DOCK4: variants seen among roughly 807,000 people sequenced by gnomAD.
DOCK4 encodes dedicator of cytokinesis protein 4.
DOCK4 carries 97 observed loss-of-function variants against 268.1 expected under a neutral mutation model. The observed-to-expected ratio is 0.36, with a 90% CI of 0.31 to 0.43. The LOEUF is 0.43. DOCK4 is among the 20% of genes least tolerant of loss of function. The probability of loss-of-function intolerance (pLI) is 1.00; values close to 1 mark genes in which losing one functional copy is unlikely to be tolerated. For synonymous variants in DOCK4, 954 were observed against 887.2 expected (o/e 1.08, Z -1.34); for missense variants, 2,145 against 2,455.7 (o/e 0.87, Z 2.67).
chr7:112,098,710 A>G (rs186846125), intron 1 of DOCK4, among the ~76,000 whole-genome samples: 23 of 150,086 alleles, frequency 1.5e-4, no homozygotes, highest in African/African-American at 4.1e-4. Context: ...GTAATTTTAC[A>G]TAATTATATA....
At chr7:111,957,908 A>G (rs548274631) in intron 8 of DOCK4, among the ~76,000 whole-genome samples, 1 of 152,300 alleles carries the variant, frequency 6.6e-6, no homozygotes, top group Admixed American at 6.5e-5. Flanking sequence ...GATGCTACAC[A>G]TTTATCTGAC....
At position 111,739,461 on chromosome 7, in the gene DOCK4, G is replaced by A; in HGVS notation, c.5057C>T (p.Ser1686Leu). The change falls in exon 48 of 53, where the codon TCA becomes TTA. Residue 1686 changes from serine (S) to leucine (L), a missense_variant. Ser to Leu is a moderately radical substitution (Grantham distance 145). Transcript: ENST00000428084. Reference sequence around the variant, plus strand: ...AGCCGAGTGAGTAGAACTCAAGCTTGAGGTAGATGGACTTGGCTGGAAACA... The same window carrying A: ...AGCCGAGTGAGTAGAACTCAAGCTTAAGGTAGATGGACTTGGCTGGAAACA... ...VFNMQPSPST[S>L]SLSSTHSASP... is the part of the protein sequence containing the mutation. 1 of 1,568,524 alleles carries A rather than the reference G, an allele frequency of 6.4e-7. No individual in the cohort carries two copies. The highest frequency in any genetic ancestry group is 8.6e-7 in the Non-Finnish European group (1 of 1,156,746).
chr7:111,844,263 G>A (rs150606757), intron 25 of DOCK4, among the ~76,000 whole-genome samples: 13 of 152,234 alleles, frequency 8.5e-5, no homozygotes, highest in East Asian at 1.9e-4. Context: ...GAGACAGAGC[G>A]AGACTCCGTC....
intron 30 of DOCK4, among the ~76,000 whole-genome samples, chr7:111,799,021 G>T (rs1037691300): frequency 2.0e-5 from 3 of 152,162 alleles, no homozygotes; most frequent in African/African-American, 7.2e-5. Context: ...AAATAAATTG[G>T]CTAATCAGGC....
chr7:111,992,914 A>C (rs542321223), intron 5 of DOCK4, among the ~76,000 whole-genome samples: 3 of 149,038 alleles, frequency 2.0e-5, no homozygotes, highest in African/African-American at 7.4e-5. Flanking sequence ...CAACATTTAC[A>C]AAAAAAAAAG....
At chr7:112,205,864 C>T (rs1046785516) in intron 1 of DOCK4, among the ~76,000 whole-genome samples, 1 of 152,212 alleles carries the variant, frequency 6.6e-6, no homozygotes, top group African/African-American at 2.4e-5. Flanking sequence ...CGCGCTCCCC[C>T]AAGCTGTCCC....
At chr7:111,746,035 T>A (rs932392460) in intron 44 of DOCK4, among the ~76,000 whole-genome samples, 3 of 152,182 alleles carry the variant, frequency 2.0e-5, no homozygotes, top group Admixed American at 6.5e-5. Context: ...CCCCAAGATA[T>A]CTCTTATGTA....
chr7:111,901,686 T>C lies in DOCK4; in HGVS notation c.1308A>G (p.Gln436=). The C allele has an allele frequency of 6.2e-7, 1 of 1,613,414 alleles. No individual in the cohort carries two copies. Among genetic ancestry groups the C allele is most frequent in the Non-Finnish European group, 8.5e-7 (1 of 1,179,676 alleles). The change falls in exon 14 of 53, where the codon CAA becomes CAG. Residue 436 remains glutamine (Q), a synonymous_variant. Transcript: ENST00000428084. ...VTMFIVDSSG[Q]TLKDFISFGS... ...TCAAGTATTAACATACCTTCAGGGT[T>C]TGGCCACTACTGTCTACAATGAACA...
At chr7:111,779,975 G>A (rs1448544163) in intron 35 of DOCK4, among the ~76,000 whole-genome samples, 1 of 152,226 alleles carries the variant, frequency 6.6e-6, no homozygotes, top group Admixed American at 6.5e-5. Context: ...GGAAGAAGGG[G>A]AAATCGGTGA....
intron 1 of DOCK4, among the ~76,000 whole-genome samples, chr7:112,104,999 T>C (rs1260186833): frequency 6.6e-6 from 1 of 152,166 alleles, no homozygotes; most frequent in Non-Finnish European, 1.5e-5. Flanking sequence ...TTTTAGGTTA[T>C]CCTCTAAAGA....
At chr7:112,198,351 T>A (rs974495681) in intron 1 of DOCK4, among the ~76,000 whole-genome samples, 2 of 152,198 alleles carry the variant, frequency 1.3e-5, no homozygotes, top group African/African-American at 4.8e-5. Context: ...TTGGACTTCC[T>A]AGCCTGCGGA....
At chr7:111,738,031 T>C (rs999084598) in intron 49 of DOCK4, among the ~76,000 whole-genome samples, 4 of 152,226 alleles carry the variant, frequency 2.6e-5, no homozygotes, top group Non-Finnish European at 4.4e-5. Context: ...TACAGACTTC[T>C]GCCAGGATGG....
intron 12 of DOCK4, among the ~76,000 whole-genome samples, chr7:111,919,596 G>C (rs927374266): frequency 6.6e-6 from 1 of 152,194 alleles, no homozygotes; most frequent in Non-Finnish European, 1.5e-5. Flanking sequence ...TATGTCATTT[G>C]ACTAGCCAAG....
intron 1 of DOCK4, among the ~76,000 whole-genome samples, chr7:112,192,147 G>A (rs906805195): frequency 2.6e-5 from 4 of 151,338 alleles, no homozygotes; most frequent in Non-Finnish European, 4.4e-5. Flanking sequence ...TCTCTTGAAG[G>A]AGAAGAATCG....
intron 1 of DOCK4, among the ~76,000 whole-genome samples, chr7:112,023,243 C>T (rs764349335): frequency 7.9e-5 from 12 of 152,148 alleles, no homozygotes; most frequent in South Asian, 2.1e-4. Context: ...GCCTTTTCTA[C>T]GTATCCTTCA....
At chr7:111,785,736 G>C (rs1033671408) in intron 32 of DOCK4, among the ~76,000 whole-genome samples, 2 of 152,178 alleles carry the variant, frequency 1.3e-5, no homozygotes, top group Non-Finnish European at 2.9e-5. Flanking sequence ...CCGGGTGAGA[G>C]TGGGTATTTT....
At chr7:111,932,762 C>G (rs188641498) in intron 12 of DOCK4, among the ~76,000 whole-genome samples, 1 of 152,054 alleles carries the variant, frequency 6.6e-6, no homozygotes, top group Admixed American at 6.5e-5. Context: ...ATGTTCTTTA[C>G]AATTACAGCA....
rs141842803 is a variant in DOCK4, at chr7:112,142,081, T to C, written c.37+64021A>G. ...GCCAGATGGGAGAGGGAGAAACAGG[T>C]TCTATGTGTTCTACATGCATTAACT... On this transcript the variant is annotated intron_variant, in intron 1 of 52. Coordinates refer to ENST00000428084, the MANE Select transcript of DOCK4 (RefSeq NM_001363540.2). Among the ~76,000 whole-genome samples, 457 of 152,256 alleles carry C rather than the reference T, an allele frequency of 3.0e-3. 2 individuals are homozygous for C. The highest frequency in any genetic ancestry group is 0.01 in the African/African-American group (421 of 41,550).
intron 16 of DOCK4, among the ~76,000 whole-genome samples, chr7:111,882,569 T>C (rs1375141690): frequency 5.3e-5 from 8 of 152,222 alleles, no homozygotes; most frequent in African/African-American, 1.7e-4. Flanking sequence ...AGTTTAAGCA[T>C]AGAATCCCTT....
Sources: allele counts gnomAD v4.1 joint callset (sites outside exome capture counted in the v4.1 genomes callset), GRCh38; gene constraint gnomAD v4.1.1; transcripts MANE v1.5; gene names NCBI Gene and HGNC (gene_info 2026-07-23, HGNC 2026-07-21).